The following GNAQ variants were observed in gnomAD, a reference collection of about 807,000 sequenced individuals.
The protein encoded by GNAQ is guanine nucleotide-binding protein G(q) subunit alpha.
In GNAQ, 8 loss-of-function variants were observed where a neutral mutation model predicts 43.9. The observed-to-expected ratio is 0.18, with a 90% CI of 0.11 to 0.33. The LOEUF (loss-of-function observed/expected upper bound fraction) is 0.33. Ranked by LOEUF, GNAQ falls within the 10% of genes least tolerant of loss-of-function variation. The probability of loss-of-function intolerance (pLI) is 1.00; values close to 1 mark genes in which losing one functional copy is unlikely to be tolerated. For synonymous variants in GNAQ, 155 were observed against 170.7 expected (o/e 0.91, Z 0.71); for missense variants, 158 against 450.8 (o/e 0.35, Z 5.88).
chr9:77,822,104 G>A (rs1030071128), intron 2 of GNAQ, among the ~76,000 whole-genome samples: 1 of 152,088 alleles, frequency 6.6e-6, no homozygotes, highest in Non-Finnish European at 1.5e-5. Context: ...AAAAGGCAAT[G>A]GCCCTTACCT....
intron 2 of GNAQ, among the ~76,000 whole-genome samples, chr9:77,909,903 T>G (rs148330931): frequency 6.6e-6 from 1 of 152,136 alleles, no homozygotes; most frequent in Non-Finnish European, 1.5e-5. Flanking sequence ...TAATATAACA[T>G]GAAATGACAC....
intron 1 of GNAQ, among the ~76,000 whole-genome samples, chr9:77,977,454 A>G (rs995769886): frequency 1.9e-4 from 28 of 150,966 alleles, no homozygotes; most frequent in Admixed American, 1.8e-3. Context: ...CTCCCTCTTG[A>G]AAAAAAAACA....
At chr9:77,931,754 ATTACCTGTCCTCTC>A (rs1455701861) in intron 1 of GNAQ, among the ~76,000 whole-genome samples, 1 of 152,106 alleles carries the variant, frequency 6.6e-6, no homozygotes, top group Non-Finnish European at 1.5e-5. Flanking sequence ...CCTTGGGTAA[ATTACCTGTCCTCTC>A]TAAGCCTGCT....
At chr9:77,890,330 G>C (rs894794586) in intron 2 of GNAQ, among the ~76,000 whole-genome samples, 25 of 152,138 alleles carry the variant, frequency 1.6e-4, no homozygotes, top group African/African-American at 5.3e-4. Flanking sequence ...CTTAAGCTAT[G>C]CCTAAGAAAG....
At chr9:77,849,990 G>C (rs1026035975) in intron 2 of GNAQ, among the ~76,000 whole-genome samples, 27 of 152,236 alleles carry the variant, frequency 1.8e-4, no homozygotes, top group African/African-American at 6.3e-4. Flanking sequence ...CTAAAACTAC[G>C]TTCTTCTGTG....
Position 77,818,295 on chromosome 9 carries a change from A to C in GNAQ, c.322-2525T>G, listed in dbSNP as rs1280085404. Among the ~76,000 whole-genome samples the C allele has an allele frequency of 2.6e-5, 4 of 152,194 alleles. No individual in the cohort carries two copies. The East Asian group carries it at 7.7e-4, about 29-fold the overall frequency. Reference sequence around the variant, plus strand: ...GTTTTGGAAAATGACATTCAAATATAATCAACCATAATTTGCATTTATGTA... The same window carrying C: ...GTTTTGGAAAATGACATTCAAATATCATCAACCATAATTTGCATTTATGTA... On this transcript the variant is annotated intron_variant, in intron 2 of 6. Transcript: ENST00000286548.
At chr9:77,880,555 G>GGT (rs1828191885) in intron 2 of GNAQ, among the ~76,000 whole-genome samples, 1 of 141,486 alleles carries the variant, frequency 7.1e-6, no homozygotes, top group East Asian at 2.1e-4. Flanking sequence ...GATTTTTTCT[G>GGT]TTTTTTTTTT....
At chr9:77,853,413 G>A (rs1268048897) in intron 2 of GNAQ, among the ~76,000 whole-genome samples, 1 of 152,112 alleles carries the variant, frequency 6.6e-6, no homozygotes, top group Non-Finnish European at 1.5e-5. Flanking sequence ...TATACCTTGT[G>A]ACATATTATT....
chr9:77,804,281 C>CT (rs754689457), intron 3 of GNAQ, among the ~76,000 whole-genome samples: 73 of 152,198 alleles, frequency 4.8e-4, no homozygotes, highest in South Asian at 1.5e-3. Flanking sequence ...AATTCAAGTG[C>CT]TTTGTTTTCT....
At chr9:77,897,665 C>A (rs1054279104) in intron 2 of GNAQ, among the ~76,000 whole-genome samples, 4 of 152,100 alleles carry the variant, frequency 2.6e-5, no homozygotes, top group Admixed American at 1.3e-4. Flanking sequence ...AAGACTGTCT[C>A]CTTCTTATGC....
At chr9:77,987,262 G>A (rs1287105696) in intron 1 of GNAQ, among the ~76,000 whole-genome samples, 2 of 152,092 alleles carry the variant, frequency 1.3e-5, no homozygotes, top group Non-Finnish European at 2.9e-5. Context: ...TATCTCTTTG[G>A]GTCTGCAGAG....
intron 2 of GNAQ, among the ~76,000 whole-genome samples, chr9:77,871,627 ATGC>A (rs1236762628): frequency 3.9e-4 from 59 of 152,244 alleles, no homozygotes; most frequent in Non-Finnish European, 4.4e-5. Flanking sequence ...AGGTATTTAA[ATGC>A]TGCCTCTTGG....
At chr9:77,970,511 C>T (rs891214736) in intron 1 of GNAQ, among the ~76,000 whole-genome samples, 1 of 152,164 alleles carries the variant, frequency 6.6e-6, no homozygotes, top group South Asian at 2.1e-4. Flanking sequence ...CCCATTCTGC[C>T]TATTCATCCT....
At chr9:77,866,342 T>C (rs1261062011) in intron 2 of GNAQ, among the ~76,000 whole-genome samples, 1 of 152,152 alleles carries the variant, frequency 6.6e-6, no homozygotes, top group Admixed American at 6.5e-5. Context: ...CTGGGTGTGG[T>C]GGCAGGTGCC....
intron 2 of GNAQ, among the ~76,000 whole-genome samples, chr9:77,914,562 T>C (rs1165967027): frequency 6.6e-6 from 1 of 152,094 alleles, no homozygotes; most frequent in Non-Finnish European, 1.5e-5. Context: ...CTTGGGAGGC[T>C]GAGGCAGGAG....
At chr9:77,988,195 A>G (rs1251341608) in intron 1 of GNAQ, among the ~76,000 whole-genome samples, 1 of 152,268 alleles carries the variant, frequency 6.6e-6, no homozygotes, top group African/African-American at 2.4e-5. Flanking sequence ...AAGAGAAAGT[A>G]CAAGGCCAGC....
intron 4 of GNAQ, among the ~76,000 whole-genome samples, chr9:77,795,851 T>A (rs1045889723): frequency 1.3e-5 from 2 of 152,212 alleles, no homozygotes; most frequent in African/African-American, 4.8e-5. Flanking sequence ...TACTTCTAAG[T>A]CATTACTTTT....
At chr9:77,866,221 T>G (rs1194768701) in intron 2 of GNAQ, among the ~76,000 whole-genome samples, 1 of 152,218 alleles carries the variant, frequency 6.6e-6, no homozygotes, top group Admixed American at 6.5e-5. Flanking sequence ...CTCACACCTG[T>G]AATCCCAGCA....
At chr9:77,884,245 G>A (rs1303141451) in intron 2 of GNAQ, among the ~76,000 whole-genome samples, 2 of 152,168 alleles carry the variant, frequency 1.3e-5, no homozygotes, top group African/African-American at 4.8e-5. Flanking sequence ...CTTGCTTCTG[G>A]CAAGCCCCTG....
Sources: gnomAD v4.1 joint callset for allele counts (sites outside exome capture counted in the v4.1 genomes callset) on GRCh38, gnomAD v4.1.1 for gene constraint, MANE v1.5 for transcripts, NCBI Gene and HGNC (gene_info 2026-07-23, HGNC 2026-07-21) for gene names.